Variants in TMPRSS15 observed in about 807,000 individuals in gnomAD.
TMPRSS15 encodes enteropeptidase.
Under a neutral mutation model 125.3 loss-of-function variants are expected in TMPRSS15, and 128 were observed. The observed-to-expected ratio is 1.02, with a 90% CI of 0.89 to 1.18. The LOEUF (loss-of-function observed/expected upper bound fraction) is 1.18. TMPRSS15 is among the 50% of genes most tolerant of loss of function. The pLI is 0.00. For synonymous variants in TMPRSS15, 446 were observed against 423.2 expected (o/e 1.05, Z -0.66); for missense variants, 1,283 against 1,212.7 (o/e 1.06, Z -0.86).
intron 1 of TMPRSS15, among the ~76,000 whole-genome samples, chr21:18,437,187 T>G (rs962770164): frequency 1.7e-4 from 26 of 150,832 alleles, no homozygotes; most frequent in African/African-American, 6.3e-4. Context: ...TACAACTATC[T>G]GATCTTTGAC....
intron 1 of TMPRSS15, among the ~76,000 whole-genome samples, chr21:18,440,386 A>AAAAAAAAAAAG (rs557806642): frequency 2.2e-5 from 3 of 133,530 alleles, no homozygotes; most frequent in Non-Finnish European, 3.2e-5. Context: ...AAAAAAAAAA[A>AAAAAAAAAAAG]AAAGAAAACT....
chr21:18,319,926 A>G (rs1172178508), intron 16 of TMPRSS15, among the ~76,000 whole-genome samples: 1 of 152,246 alleles, frequency 6.6e-6, no homozygotes, highest in Non-Finnish European at 1.5e-5. Context: ...AAGTTACCTT[A>G]ACAAGAAAAT....
chr21:18,457,897 C>T (rs1284584754), intron 1 of TMPRSS15, among the ~76,000 whole-genome samples: 1 of 152,050 alleles, frequency 6.6e-6, no homozygotes, highest in Non-Finnish European at 1.5e-5. Flanking sequence ...TTTGAATAAC[C>T]AACTGATTTT....
At chr21:18,341,591 A>G (rs1462019381) in intron 12 of TMPRSS15, 43 bp from the exon 13 acceptor site, 28 of 1,609,146 alleles carry the variant, frequency 1.7e-5, no homozygotes, top group Non-Finnish European at 2.4e-5. Context: ...ATTCCATTCT[A>G]ATCTTCTCTG....
At chr21:18,292,274 C>T (rs1007463519) in intron 21 of TMPRSS15, among the ~76,000 whole-genome samples, 32 of 152,232 alleles carry the variant, frequency 2.1e-4, no homozygotes, top group African/African-American at 6.3e-4. Flanking sequence ...AAAGACAGGG[C>T]GTTCCTTCTC....
In TMPRSS15 at chr21:18,314,036, T is replaced by C. The variant is rs1255834553; in HGVS notation, c.2033-959A>G. Among the ~76,000 whole-genome samples the C allele has an allele frequency of 3.1e-4, 47 of 152,124 alleles. 2 individuals carry two copies. The highest frequency in any genetic ancestry group is 3.1e-3 in the Admixed American group (47 of 15,274). Reference sequence around the variant, plus strand: ...TAGGGACTGGACCAAGCTAAGCGCGTTCATCAAGGGAGGAAAACATCAGTA... The same window carrying C: ...TAGGGACTGGACCAAGCTAAGCGCGCTCATCAAGGGAGGAAAACATCAGTA... On this transcript the variant is annotated intron_variant, in intron 17 of 24. Coordinates refer to ENST00000284885, the MANE Select transcript of TMPRSS15 (RefSeq NM_002772.3).
chr21:18,343,613 T>C lies in TMPRSS15; in HGVS notation c.1321A>G (p.Ile441Val). ...TTCTCCATATTTTGGTCATTGCTGA[T>C]ATTAATGCTTAATTTATGGACATTT... Reference protein sequence around the residue: ...GENVHKLSINISNDQNMEKTV... With the variant: ...GENVHKLSINVSNDQNMEKTV... Residue 441 changes from isoleucine to valine, a missense_variant, in exon 12 of 25, where the codon ATC becomes GTC. Physicochemically the swap from Ile to Val is conservative, Grantham distance 29 (BLOSUM62 3). Coordinates refer to ENST00000284885, the MANE Select transcript of TMPRSS15 (RefSeq NM_002772.3). 1 of 1,613,696 alleles carries C rather than the reference T, an allele frequency of 6.2e-7. No homozygotes were observed. Among genetic ancestry groups the C allele is most frequent in the Non-Finnish European group, 8.5e-7 (1 of 1,179,708 alleles).
At chr21:18,436,580 A>G (rs2123222803) in intron 1 of TMPRSS15, among the ~76,000 whole-genome samples, 1 of 151,736 alleles carries the variant, frequency 6.6e-6, no homozygotes, top group East Asian at 2.0e-4. Flanking sequence ...CTGATAAGCA[A>G]CTTCAGCAAA....
intron 3 of TMPRSS15, among the ~76,000 whole-genome samples, chr21:18,394,997 T>C (rs934633120): frequency 6.6e-6 from 1 of 152,216 alleles, no homozygotes. Flanking sequence ...AGGTACTGTT[T>C]ACCCTAGTCT....
At chr21:18,379,236 GA>G (rs2075870269) in intron 5 of TMPRSS15, 46 bp downstream of exon 5, 2 of 982,568 alleles carry the variant, frequency 2.0e-6, no homozygotes, top group Non-Finnish European at 1.4e-6. Flanking sequence ...AAATGTATAA[GA>G]GAAAACTTTC....
intron 18 of TMPRSS15, among the ~76,000 whole-genome samples, chr21:18,306,802 T>C (rs533899384): frequency 1.3e-5 from 2 of 152,250 alleles, no homozygotes; most frequent in South Asian, 2.1e-4. Context: ...TTAACCTTTA[T>C]TGTTGCATCA....
chr21:18,422,177 G>A (rs544032134), intron 1 of TMPRSS15, among the ~76,000 whole-genome samples: 6 of 151,928 alleles, frequency 3.9e-5, no homozygotes, highest in African/African-American at 1.4e-4. Flanking sequence ...ATAGAGACTG[G>A]GTTTCACCAT....
intron 1 of TMPRSS15, among the ~76,000 whole-genome samples, chr21:18,475,917 C>A (rs1978872147): frequency 6.6e-6 from 1 of 151,998 alleles, no homozygotes; most frequent in South Asian, 2.1e-4. Flanking sequence ...AAAATTATGT[C>A]CTTATCTACA....
chr21:18,399,083 A>T (rs1231117354), intron 1 of TMPRSS15, among the ~76,000 whole-genome samples: 1 of 152,146 alleles, frequency 6.6e-6, no homozygotes, highest in Admixed American at 6.5e-5. Context: ...GTTTAAAATG[A>T]ATTGCTTCAA....
intron 1 of TMPRSS15, among the ~76,000 whole-genome samples, chr21:18,482,163 A>G (rs181754580): frequency 4.2e-4 from 63 of 151,406 alleles, no homozygotes; most frequent in Non-Finnish European, 8.4e-4. Flanking sequence ...CATCATATTA[A>G]CCAACTTAAA....
chr21:18,316,178 G>T (rs2075165007), intron 16 of TMPRSS15, among the ~76,000 whole-genome samples: 1 of 152,106 alleles, frequency 6.6e-6, no homozygotes, highest in Non-Finnish European at 1.5e-5. Flanking sequence ...AGAAGAGTGT[G>T]GATGAAACCT....
chr21:18,274,891 A>T (rs2074601586), intron 24 of TMPRSS15, among the ~76,000 whole-genome samples: 1 of 152,210 alleles, frequency 6.6e-6, no homozygotes, highest in Admixed American at 6.5e-5. Context: ...CTGCTTTTAG[A>T]TAAGGTGCAC....
upstream of TMPRSS15, among the ~76,000 whole-genome samples, chr21:18,406,325 T>G (rs1482970711): frequency 1.3e-5 from 2 of 152,184 alleles, no homozygotes; most frequent in Non-Finnish European, 2.9e-5. Flanking sequence ...GGACGTCAAG[T>G]CTGGCACTTC....
At chr21:18,348,193 A>C (rs1221192555) in intron 10 of TMPRSS15, among the ~76,000 whole-genome samples, 1 of 152,138 alleles carries the variant, frequency 6.6e-6, no homozygotes, top group Non-Finnish European at 1.5e-5. Flanking sequence ...TAAACAAATA[A>C]ATAAGCCCCA....
Sources: allele counts gnomAD v4.1 joint callset (sites outside exome capture counted in the v4.1 genomes callset), GRCh38; gene constraint gnomAD v4.1.1; transcripts MANE v1.5; gene names NCBI Gene and HGNC (gene_info 2026-07-23, HGNC 2026-07-21).